SEMA6D: variants seen among roughly 807,000 people sequenced by gnomAD.
SEMA6D encodes the protein semaphorin-6D.
SEMA6D carries 35 observed loss-of-function variants against 106.6 expected under a neutral mutation model. The ratio of observed to expected loss-of-function variants is 0.33; its 90% CI spans 0.25 to 0.44. SEMA6D has a LOEUF of 0.44. Ranked by LOEUF, SEMA6D falls within the 20% of genes least tolerant of loss-of-function variation. The pLI, the probability that SEMA6D is intolerant of heterozygous loss-of-function variation, is 1.00. For missense variants in SEMA6D, 1,185 were observed against 1,345.9 expected (o/e 0.88, Z 1.87); for synonymous variants, 499 against 487.7 (o/e 1.02, Z -0.31).
chr15:47,517,587 G>A (rs546316502), intron 3 of SEMA6D, among the ~76,000 whole-genome samples: 5 of 152,194 alleles, frequency 3.3e-5, no homozygotes, highest in Admixed American at 6.5e-5. Flanking sequence ...TTTGTTGGTC[G>A]TGTTGTTGCT....
At chr15:47,501,458 AAAATAGAT>A (rs2043846175) in intron 3 of SEMA6D, among the ~76,000 whole-genome samples, 1 of 152,306 alleles carries the variant, frequency 6.6e-6, no homozygotes, top group South Asian at 2.1e-4. Context: ...CCATGGGACC[AAAATAGAT>A]TTTCTCCAGT....
chr15:47,542,686 AAT>A lies in SEMA6D; in HGVS notation c.-86-58177_-86-58176del, dbSNP rs1449539060. 2.3e-3 allele frequency among the ~76,000 whole-genome samples: 350 copies of A among 152,220 alleles called. 1 individual carries two copies. The highest frequency in any genetic ancestry group is 8.3e-3 in the African/African-American group (344 of 41,540). ...TGAGATGTGCATTTTCTTTTTAGTCAATAACTTGTTTCCGCTAGTTACAGCCA... is the reference window on the plus strand; with the variant it reads ...TGAGATGTGCATTTTCTTTTTAGTCAAACTTGTTTCCGCTAGTTACAGCCA... On this transcript the variant is annotated intron_variant, in intron 3 of 19. Coordinates refer to the SEMA6D transcript ENST00000558014.
rs947369577 is a variant in SEMA6D, at chr15:47,472,303, G to A, written c.-87+1758G>A. ...GATGGATGGCATTTTTAAAACGGTT[G>A]CCCAGAATGTGCCATGTCTTGCTTA... On this transcript the variant is annotated intron_variant, in intron 3 of 19. Coordinates refer to the SEMA6D transcript ENST00000558014. Among the ~76,000 whole-genome samples the A allele has an allele frequency of 5.9e-5, 9 of 152,140 alleles. 1 individual carries two copies. Among genetic ancestry groups the A allele is most frequent in the Admixed American group, 2.6e-4 (4 of 15,270 alleles).
chr15:47,450,034 C>T (rs2042141061), intron 2 of SEMA6D, among the ~76,000 whole-genome samples: 1 of 152,012 alleles, frequency 6.6e-6, no homozygotes, highest in Non-Finnish European at 1.5e-5. Flanking sequence ...ACCTTTTGTA[C>T]ATAGGGGATA....
chr15:47,474,115 A>C (rs1417065204), intron 3 of SEMA6D, among the ~76,000 whole-genome samples: 2 of 152,138 alleles, frequency 1.3e-5, no homozygotes, highest in African/African-American at 4.8e-5. Flanking sequence ...CCTTTGGCTC[A>C]TGAAGCTGAA....
intron 1 of SEMA6D, among the ~76,000 whole-genome samples, chr15:47,395,180 G>C (rs1430049424): frequency 6.6e-6 from 1 of 152,126 alleles, no homozygotes; most frequent in Non-Finnish European, 1.5e-5. Flanking sequence ...TTGTACTTTG[G>C]AAAATACATT....
At chr15:47,314,615 A>G (rs1470422080) in intron 1 of SEMA6D, among the ~76,000 whole-genome samples, 7 of 144,928 alleles carry the variant, frequency 4.8e-5, no homozygotes, top group African/African-American at 1.7e-4. Flanking sequence ...AAAAAAAAAA[A>G]AAAGAATTCT....
rs989540944 is a variant in SEMA6D, at chr15:47,772,538, C to T, written c.*753C>T. ...CTTTGAAAGAGGAATAGAATCGAGG[C>T]TCCTTTGACCATCAAAATGATGAAC... is the stretch of plus-strand genomic sequence containing the variant. On this transcript the variant is annotated 3_prime_UTR_variant, in exon 19 of 19. Coordinates refer to ENST00000536845, the MANE Select transcript of SEMA6D (RefSeq NM_001358351.3). 4 of 152,454 alleles carry T rather than the reference C, an allele frequency of 2.6e-5. No homozygotes were observed. Among genetic ancestry groups the T allele is most frequent in the Non-Finnish European group, 5.9e-5 (4 of 68,012 alleles). 9.4% of individuals were successfully genotyped at this position (152,454 alleles called of 1,614,324 possible).
At chr15:47,402,679 A>G (rs1009022517) in intron 1 of SEMA6D, among the ~76,000 whole-genome samples, 1 of 149,996 alleles carries the variant, frequency 6.7e-6, no homozygotes, top group African/African-American at 2.5e-5. Context: ...TTCCATTTGC[A>G]TTATTATACT....
intron 1 of SEMA6D, among the ~76,000 whole-genome samples, chr15:47,757,975 G>A (rs1341922659): frequency 6.6e-6 from 1 of 152,036 alleles, no homozygotes; most frequent in Non-Finnish European, 1.5e-5. Context: ...ACGTTCCCAG[G>A]CCAATTTGCT....
chr15:47,197,930 A>T (rs921813309), intron 1 of SEMA6D, among the ~76,000 whole-genome samples: 20 of 152,006 alleles, frequency 1.3e-4, no homozygotes, highest in Non-Finnish European at 1.5e-5. Flanking sequence ...TAATTTTTGG[A>T]TATATTTAAA....
chr15:47,576,247 A>G (rs1177157129), intron 3 of SEMA6D, among the ~76,000 whole-genome samples: 2 of 152,222 alleles, frequency 1.3e-5, no homozygotes, highest in Non-Finnish European at 2.9e-5. Context: ...AAGAGAAACC[A>G]AAATGATTTG....
At chr15:47,726,939 A>T (rs917948731) in intron 1 of SEMA6D, among the ~76,000 whole-genome samples, 3 of 152,178 alleles carry the variant, frequency 2.0e-5, no homozygotes, top group Admixed American at 2.0e-4. Flanking sequence ...CTTGCCACAC[A>T]TTCAGCCAAA....
intron 3 of SEMA6D, among the ~76,000 whole-genome samples, chr15:47,561,199 C>T (rs187510994): frequency 2.3e-4 from 35 of 151,964 alleles, no homozygotes; most frequent in Admixed American, 1.4e-3. Context: ...ACATTACAGG[C>T]GGTTTATGGC....
intron 2 of SEMA6D, among the ~76,000 whole-genome samples, chr15:47,449,090 A>G (rs1475778462): frequency 6.6e-6 from 1 of 152,026 alleles, no homozygotes; most frequent in Non-Finnish European, 1.5e-5. Context: ...GAAATGTCCT[A>G]TACAGGACAT....
intron 3 of SEMA6D, among the ~76,000 whole-genome samples, chr15:47,528,809 G>C (rs1344124348): frequency 6.6e-6 from 1 of 152,142 alleles, no homozygotes; most frequent in Non-Finnish European, 1.5e-5. Context: ...GTTGACCTTT[G>C]ATCAATTCAG....
chr15:47,580,971 C>T (rs1038118487), intron 3 of SEMA6D, among the ~76,000 whole-genome samples: 1 of 152,176 alleles, frequency 6.6e-6, no homozygotes, highest in Non-Finnish European at 1.5e-5. Context: ...TAGGGATCTA[C>T]CAGCTTCCTC....
intron 11 of SEMA6D, 123 bp downstream of exon 11, chr15:47,764,428 G>T (rs1040099710): frequency 1.5e-6 from 2 of 1,315,288 alleles, no homozygotes; most frequent in African/African-American, 3.0e-5. Flanking sequence ...CTCTCAGACA[G>T]AGCCAGCAGA....
intron 1 of SEMA6D, among the ~76,000 whole-genome samples, chr15:47,342,295 T>C (rs558001886): frequency 6.6e-6 from 1 of 152,328 alleles, no homozygotes; most frequent in Non-Finnish European, 1.5e-5. Flanking sequence ...ATTCCTCTGA[T>C]TGTGAGTGCC....
Sources: allele counts gnomAD v4.1 joint callset (sites outside exome capture counted in the v4.1 genomes callset), GRCh38; gene constraint gnomAD v4.1.1; transcripts MANE v1.5; gene names NCBI Gene and HGNC (gene_info 2026-07-23, HGNC 2026-07-21).